The following RASSF5 variants were observed in gnomAD, a reference collection of about 807,000 sequenced individuals.
The protein encoded by RASSF5 is Ras association domain family member 5.
Under a neutral mutation model 40.5 loss-of-function variants are expected in RASSF5, and 25 were observed. The ratio of observed to expected loss-of-function variants is 0.62; its 90% CI spans 0.45 to 0.86. The LOEUF is 0.86. RASSF5 is among the 40% of genes least tolerant of loss of function. The pLI is 0.00. For synonymous variants in RASSF5, 246 were observed against 252.4 expected (o/e 0.97, Z 0.24); for missense variants, 521 against 572.8 (o/e 0.91, Z 0.92).
chr1:206,580,665 GTGAGGCTCACACTAC>G (rs1668836120), intron 2 of RASSF5: 1 of 152,220 alleles, frequency 6.6e-6, no homozygotes, highest in African/African-American at 2.4e-5. Flanking sequence ...AAGAGAGTCT[GTGAGGCTCACACTAC>G]TTGCTACTCA....
chr1:206,572,873 G>A (rs146716964), intron 2 of RASSF5, among the ~76,000 whole-genome samples: 90 of 152,304 alleles, frequency 5.9e-4, no homozygotes, highest in African/African-American at 2.0e-3. Context: ...TAGGACCCAT[G>A]AAAGTCATAA....
chr1:206,549,138 T>G (rs1195798944), intron 2 of RASSF5, among the ~76,000 whole-genome samples: 8 of 152,140 alleles, frequency 5.3e-5, no homozygotes, highest in Non-Finnish European at 1.2e-4. Flanking sequence ...AGTGCTGAGA[T>G]TACAGGTGTG....
rs1250990512 is a variant in RASSF5, at chr1:206,520,231, G to A, written c.457+12172G>A. Among the ~76,000 whole-genome samples the A allele has an allele frequency of 2.0e-5, 3 of 152,320 alleles. No individual in the cohort carries two copies. The East Asian group carries it at 5.8e-4, about 29-fold the overall frequency. ...GGATGCTCAAGATGATGGGAAAGGT[G>A]GACTGCAGACTGTGGACATCTGGAA... On this transcript the variant is annotated intron_variant, in intron 1 of 5. Transcript: ENST00000579436.
At chr1:206,541,811 C>A (rs1667551342) in intron 2 of RASSF5, 1 of 152,172 alleles carries the variant, frequency 6.6e-6, no homozygotes, top group Admixed American at 6.5e-5. Context: ...CTTATCCTGT[C>A]ACCCCTGGGA....
Position 206,587,213 on chromosome 1 carries a change from A to T in RASSF5, c.*235A>T. 1 of 499,480 alleles carries T rather than the reference A, an allele frequency of 2.0e-6. No individual in the cohort carries two copies. 30.9% of individuals were successfully genotyped at this position (499,480 alleles called of 1,614,324 possible). A position where few individuals can be genotyped will look rare whatever the true frequency, so the allele number is the denominator to read the frequency against. Reference sequence around the variant, plus strand: ...TCTGCCAAGGATCAGAACTCATGTGAAACAAACAGCTGACGTCCTCTCTCG... The same window carrying T: ...TCTGCCAAGGATCAGAACTCATGTGTAACAAACAGCTGACGTCCTCTCTCG... On this transcript the variant is annotated 3_prime_UTR_variant, in exon 6 of 6. Coordinates refer to ENST00000579436, the MANE Select transcript of RASSF5 (RefSeq NM_182663.4).
At chr1:206,580,500 G>A (rs1324653097) in intron 2 of RASSF5, among the ~76,000 whole-genome samples, 1 of 152,206 alleles carries the variant, frequency 6.6e-6, no homozygotes, top group Non-Finnish European at 1.5e-5. Context: ...AGGTATAGGG[G>A]TAGGGCCAGG....
intron 2 of RASSF5, among the ~76,000 whole-genome samples, chr1:206,553,005 C>T (rs782420174): frequency 2.0e-5 from 3 of 152,048 alleles, no homozygotes; most frequent in Admixed American, 6.6e-5. Flanking sequence ...AGATCGAGAC[C>T]ATCCTGGATA....
intron 1 of RASSF5, among the ~76,000 whole-genome samples, chr1:206,512,384 C>T (rs1666640472): frequency 6.6e-6 from 1 of 152,130 alleles, no homozygotes; most frequent in South Asian, 2.1e-4. Context: ...CTTAATTTTC[C>T]CCACTATTCA....
At chr1:206,572,461 G>C (rs1553404375) in intron 2 of RASSF5, 1 of 152,212 alleles carries the variant, frequency 6.6e-6, no homozygotes, top group African/African-American at 2.4e-5. Context: ...AGAGAGGAAG[G>C]GAGTCTGTCC....
At chr1:206,575,399 G>A (rs978688700) in intron 2 of RASSF5, among the ~76,000 whole-genome samples, 6 of 152,174 alleles carry the variant, frequency 3.9e-5, no homozygotes, top group South Asian at 2.1e-4. Context: ...AATGGCTTCC[G>A]GGGTATTTTT....
intron 1 of RASSF5, among the ~76,000 whole-genome samples, chr1:206,521,866 C>T (rs1666918147): frequency 6.6e-6 from 1 of 152,172 alleles, no homozygotes; most frequent in East Asian, 1.9e-4. Context: ...TGCTTTGTCT[C>T]TCTTACACCC....
In RASSF5 at chr1:206,574,982, C is replaced by T. The variant is rs373029119; in HGVS notation, c.580-8287C>T. On this transcript the variant is annotated intron_variant, in intron 2 of 5. Coordinates refer to ENST00000579436, the MANE Select transcript of RASSF5 (RefSeq NM_182663.4). ...TCAAGCGATTCTTCCGCCTTAGCCT[C>T]CCGAGTAGTTGGGATTACAGGCGCA... 2.6e-5 allele frequency among the ~76,000 whole-genome samples: 4 copies of T among 151,584 alleles called. No individual in the cohort carries two copies. In the East Asian group the frequency reaches 5.8e-4, roughly 22 times the overall value.
chr1:206,546,407 G>A (rs1234283403), intron 2 of RASSF5, among the ~76,000 whole-genome samples: 3 of 151,920 alleles, frequency 2.0e-5, no homozygotes, highest in African/African-American at 2.4e-5. Flanking sequence ...TACCGCACCC[G>A]GCCAGCTATT....
intron 1 of RASSF5, chr1:206,528,955 C>T: frequency 1.5e-6 from 1 of 652,610 alleles, no homozygotes; most frequent in Non-Finnish European, 2.7e-6. Context: ...AAGGTGGCTC[C>T]TGTCGTGAAG....
intron 1 of RASSF5, among the ~76,000 whole-genome samples, chr1:206,528,553 A>G (rs556861668): frequency 6.6e-6 from 1 of 152,158 alleles, no homozygotes; most frequent in African/African-American, 2.4e-5. Context: ...AATGTAAACT[A>G]TGGACTCTGG....
intron 2 of RASSF5, among the ~76,000 whole-genome samples, chr1:206,564,702 G>A (rs782244578): frequency 5.9e-5 from 9 of 152,156 alleles, no homozygotes; most frequent in Non-Finnish European, 1.3e-4. Context: ...ACTGAGACCT[G>A]TCCTGCAGGT....
chr1:206,546,262 A>C (rs1667691495), intron 2 of RASSF5, among the ~76,000 whole-genome samples: 1 of 150,870 alleles, frequency 6.6e-6, no homozygotes, highest in African/African-American at 2.4e-5. Context: ...ATGCACCACC[A>C]CACCTGGCTG....
At chr1:206,563,470 C>G (rs577926028) in intron 2 of RASSF5, among the ~76,000 whole-genome samples, 4 of 152,084 alleles carry the variant, frequency 2.6e-5, no homozygotes, top group Non-Finnish European at 4.4e-5. Context: ...CTCTTGAGGA[C>G]GGGTGCTTTT....
At chr1:206,586,643 G>A (rs10779488) in intron 5 of RASSF5, 183 bp from the exon 6 acceptor site, 147,267 of 584,388 alleles carry the variant, frequency 0.25, 19,301 homozygotes, top group Middle Eastern at 0.36. Flanking sequence ...TTGGAATTTT[G>A]TTGCTGCTAT....
Sources: gnomAD v4.1 joint callset for allele counts (sites outside exome capture counted in the v4.1 genomes callset) on GRCh38, gnomAD v4.1.1 for gene constraint, MANE v1.5 for transcripts, NCBI Gene and HGNC (gene_info 2026-07-23, HGNC 2026-07-21) for gene names.